The following CNTN5 variants were observed in gnomAD, a reference collection of about 807,000 sequenced individuals.
CNTN5 encodes the protein contactin 5, also known as contactin-5.
A neutral mutation model predicts 129.1 loss-of-function variants in CNTN5; 77 were observed. The observed-to-expected ratio is 0.60, with a 90% confidence interval of 0.50 to 0.72. CNTN5 has a LOEUF of 0.72. CNTN5 is among the 30% of genes least tolerant of loss of function. The pLI is 0.00. For synonymous variants in CNTN5, 509 were observed against 465.6 expected (o/e 1.09, Z -1.20); for missense variants, 1,478 against 1,328.8 (o/e 1.11, Z -1.75).
chr11:99,847,153 T>C (rs1947726175), intron 6 of CNTN5, among the ~76,000 whole-genome samples: 1 of 152,246 alleles, frequency 6.6e-6, no homozygotes, highest in Non-Finnish European at 1.5e-5. Context: ...CAGTTAGCTA[T>C]AGCCTGTATG....
At chr11:99,969,920 T>A (rs1267066526) in intron 8 of CNTN5, among the ~76,000 whole-genome samples, 1 of 152,188 alleles carries the variant, frequency 6.6e-6, no homozygotes. Flanking sequence ...TTTTAAATAT[T>A]TTTTTCTTTA....
chr11:99,684,743 G>T (rs140696156), intron 3 of CNTN5, among the ~76,000 whole-genome samples: 2 of 151,568 alleles, frequency 1.3e-5, no homozygotes, highest in Admixed American at 6.6e-5. Context: ...CGTATGTCTT[G>T]TCATAAAACT....
At chr11:99,745,273 T>C (rs1279341600) in intron 3 of CNTN5, among the ~76,000 whole-genome samples, 1 of 152,004 alleles carries the variant, frequency 6.6e-6, no homozygotes, top group Non-Finnish European at 1.5e-5. Flanking sequence ...AAGAAAAAAA[T>C]AAAGCTTCAC....
At chr11:99,070,764 GATA>G (rs1169953497) in intron 1 of CNTN5, among the ~76,000 whole-genome samples, 3 of 151,118 alleles carry the variant, frequency 2.0e-5, no homozygotes, top group African/African-American at 7.3e-5. Flanking sequence ...ACCTCACTCA[GATA>G]ATATGTGTAC....
chr11:99,952,066 CT>C (rs2136151344), intron 7 of CNTN5, among the ~76,000 whole-genome samples: 1 of 152,218 alleles, frequency 6.6e-6, no homozygotes, highest in Non-Finnish European at 1.5e-5. Context: ...CTAATAGTGA[CT>C]TTTTCTGTTT....
At chr11:99,081,902 A>G (rs879596092) in intron 1 of CNTN5, among the ~76,000 whole-genome samples, 2 of 152,204 alleles carry the variant, frequency 1.3e-5, no homozygotes, top group Admixed American at 1.3e-4. Flanking sequence ...ACACCCTTTT[A>G]AAACCAGTAT....
chr11:99,833,332 A>G (rs1183367939), intron 4 of CNTN5, among the ~76,000 whole-genome samples: 1 of 152,142 alleles, frequency 6.6e-6, no homozygotes, highest in Non-Finnish European at 1.5e-5. Context: ...CCCTAATTTA[A>G]GGTAGTTTGA....
intron 9 of CNTN5, among the ~76,000 whole-genome samples, chr11:100,027,789 G>C (rs1173415254): frequency 1.3e-5 from 2 of 152,118 alleles, no homozygotes. Context: ...TTTGTCCAGG[G>C]AGCAAGCTTG....
chr11:99,169,153 A>T (rs1861028388), intron 1 of CNTN5, among the ~76,000 whole-genome samples: 1 of 152,216 alleles, frequency 6.6e-6, no homozygotes. Context: ...TTGATACTAG[A>T]ACACAGATAC....
intron 1 of CNTN5, among the ~76,000 whole-genome samples, chr11:99,037,002 A>G (rs1018980005): frequency 6.6e-6 from 1 of 152,100 alleles, no homozygotes; most frequent in Admixed American, 6.5e-5. Context: ...TAAAATGCAT[A>G]TCTGTGAAAA....
chr11:99,208,689 A>G (rs972732068), intron 1 of CNTN5, among the ~76,000 whole-genome samples: 6 of 152,136 alleles, frequency 3.9e-5, no homozygotes, highest in African/African-American at 1.4e-4. Context: ...TCAAATTTTC[A>G]ATTAGGAAAT....
intron 3 of CNTN5, among the ~76,000 whole-genome samples, chr11:99,625,173 C>T (rs987920652): frequency 2.0e-5 from 3 of 152,136 alleles, no homozygotes; most frequent in African/African-American, 7.2e-5. Flanking sequence ...TACTCATCTG[C>T]TATTGAATTT....
intron 21 of CNTN5, among the ~76,000 whole-genome samples, chr11:100,318,306 G>A (rs932425769): frequency 7.0e-6 from 1 of 143,400 alleles, no homozygotes; most frequent in Non-Finnish European, 1.5e-5. Context: ...TGAATTTATT[G>A]CACCACCTCT....
intron 1 of CNTN5, among the ~76,000 whole-genome samples, chr11:99,104,198 G>C (rs1354177658): frequency 6.6e-6 from 1 of 152,158 alleles, no homozygotes; most frequent in East Asian, 1.9e-4. Flanking sequence ...AGTTGAATCA[G>C]ATAAATTAAT....
intron 3 of CNTN5, among the ~76,000 whole-genome samples, chr11:99,567,940 A>G (rs751806538): frequency 9.2e-5 from 14 of 152,320 alleles, no homozygotes; most frequent in South Asian, 2.1e-4. Flanking sequence ...AAAGGTTTCT[A>G]TAATTGTCAC....
chr11:99,847,170 G>T (rs763611841), intron 6 of CNTN5, among the ~76,000 whole-genome samples: 1 of 152,152 alleles, frequency 6.6e-6, no homozygotes, highest in African/African-American at 2.4e-5. Flanking sequence ...TATGTCAGTT[G>T]TTTTTCCCTT....
chr11:100,293,286 A>T (rs1227465258), intron 18 of CNTN5, among the ~76,000 whole-genome samples: 1 of 151,828 alleles, frequency 6.6e-6, no homozygotes, highest in Non-Finnish European at 1.5e-5. Flanking sequence ...GAGGTTTATA[A>T]ATCAGAAAAT....
intron 1 of CNTN5, among the ~76,000 whole-genome samples, chr11:99,133,324 C>T (rs191349796): frequency 6.6e-6 from 1 of 151,878 alleles, no homozygotes; most frequent in Non-Finnish European, 1.5e-5. Flanking sequence ...TTGGGCAATA[C>T]CATTTAAGAC....
At chr11:99,798,713 G>C (rs79057105) in intron 3 of CNTN5, among the ~76,000 whole-genome samples, 3 of 151,972 alleles carry the variant, frequency 2.0e-5, no homozygotes, top group Admixed American at 2.0e-4. Context: ...CTCCAGTTTT[G>C]TTCTTTTTGC....
Sources: gnomAD v4.1 joint callset for allele counts (sites outside exome capture counted in the v4.1 genomes callset) on GRCh38, gnomAD v4.1.1 for gene constraint, MANE v1.5 for transcripts, NCBI Gene and HGNC (gene_info 2026-07-23, HGNC 2026-07-21) for gene names.